NEK3: variants seen among roughly 807,000 people sequenced by gnomAD.
The protein encoded by NEK3 is serine/threonine-protein kinase Nek3.
A neutral mutation model predicts 66.0 loss-of-function variants in NEK3; 54 were observed. That is an observed-to-expected ratio of 0.82 (90% CI 0.66 to 1.03). The LOEUF (loss-of-function observed/expected upper bound fraction) is 1.03, where lower values mean the gene tolerates loss of function less well. Ranked by LOEUF, NEK3 falls within the 50% of genes least tolerant of loss-of-function variation. The probability of loss-of-function intolerance (pLI) is 0.00; values close to 1 mark genes in which losing one functional copy is unlikely to be tolerated. For synonymous variants in NEK3, 200 were observed against 206.2 expected, an observed-to-expected ratio of 0.97 and a Z score of 0.26; for missense variants, 593 against 603.0, an observed-to-expected ratio of 0.98 and a Z score of 0.17.
chr13:52,154,094 T>C lies in NEK3; in HGVS notation c.197A>G (p.Lys66Arg), dbSNP rs745946854. The C allele has an allele frequency of 1.2e-6, 2 of 1,611,888 alleles. No individual in the cohort carries two copies. Among genetic ancestry groups the C allele is most frequent in the East Asian group, 2.2e-5 (1 of 44,752 alleles). Residue 66 changes from lysine (K) to arginine (R), a missense_variant, in exon 3 of 16, where the codon AAA (lysine) becomes AGA (arginine). Transcript: ENST00000610828. The stretch of plus-strand genomic sequence containing the variant: ...TTCGTATTTACCTTCAAATGATTCT[T>C]TGAAGGCAACAATATTAGGGTGTTT... ...KMKHPNIVAFKESFEAEGHLY... is the reference protein window; with the variant it reads ...KMKHPNIVAFRESFEAEGHLY...
chr13:52,148,084 T>A (rs896870370), intron 8 of NEK3: 2 of 198,036 alleles, frequency 1.0e-5, no homozygotes, highest in Non-Finnish European at 2.0e-5. Context: ...TTAATGACAA[T>A]GAATTGTATA....
Position 52,153,893 on chromosome 13 carries a change from A to G in NEK3, c.309+2T>C, listed in dbSNP as rs368340934. On this transcript the variant is annotated splice_donor_variant, in intron 4 of 15. Coordinates refer to ENST00000610828, the MANE Select transcript of NEK3 (RefSeq NM_002498.3). LOFTEE classifies it high-confidence loss of function. ...GAGAAACTATGTAAGTCAATCTCTT[A>G]CCATGTCTTCAGGAAATAACTTTCC... is the stretch of plus-strand genomic sequence containing the variant. The G allele has an allele frequency of 1.3e-6, 2 of 1,596,052 alleles. No homozygotes were observed. Among genetic ancestry groups the G allele is most frequent in the Non-Finnish European group, 1.7e-6 (2 of 1,164,214 alleles).
At chr13:52,144,391 G>A (rs1016000960) in intron 9 of NEK3, among the ~76,000 whole-genome samples, 1 of 152,140 alleles carries the variant, frequency 6.6e-6, no homozygotes, top group Non-Finnish European at 1.5e-5. Context: ...ACTCCAGCCT[G>A]GGCGACAGAG....
In NEK3 at chr13:52,133,181, C is replaced by T. The variant is rs1382618921; in HGVS notation, c.1482G>A (p.Leu494=). The T allele has an allele frequency of 6.2e-7, 1 of 1,611,140 alleles. No homozygotes were observed. Among genetic ancestry groups the T allele is most frequent in the Non-Finnish European group, 8.5e-7 (1 of 1,178,832 alleles). ...EDDNPDWVSE[L]KKRAGWQGLC... ...GGCCTTGCCATCCAGCTCGCTTCTTCAGCTCTGACACCCAGTCGGGGTTGT... is the reference window on the plus strand; with the variant it reads ...GGCCTTGCCATCCAGCTCGCTTCTTTAGCTCTGACACCCAGTCGGGGTTGT... Residue 494 remains leucine (L), a synonymous_variant, in exon 16 of 16, where the codon CTG becomes CTA. Transcript: ENST00000610828.
intron 4 of NEK3, among the ~76,000 whole-genome samples, chr13:52,153,314 A>G (rs966138239): frequency 6.6e-6 from 1 of 152,160 alleles, no homozygotes; most frequent in East Asian, 1.9e-4. Flanking sequence ...TTCTAAATGA[A>G]TAATATTTAT....
chr13:52,141,568 A>G (rs1257046973), intron 10 of NEK3, among the ~76,000 whole-genome samples: 9 of 152,176 alleles, frequency 5.9e-5, no homozygotes, highest in Admixed American at 2.0e-4. Context: ...ATAGTGGTTC[A>G]TGTCCCTTAT....
chr13:52,147,710 G>A (rs550375263), intron 8 of NEK3, among the ~76,000 whole-genome samples: 1 of 152,286 alleles, frequency 6.6e-6, no homozygotes, highest in East Asian at 1.9e-4. Flanking sequence ...AGTGGCTCAT[G>A]CCTGTAATCC....
chr13:52,136,986 A>T, intron 11 of NEK3, 84 bp from the exon 12 acceptor site: 1 of 874,618 alleles, frequency 1.1e-6, no homozygotes, highest in Non-Finnish European at 1.7e-6. Flanking sequence ...CAGCCATTTT[A>T]ATTTCAAATA....
Position 52,147,181 on chromosome 13 carries a change from G to A in NEK3, c.603+1234C>T, listed in dbSNP as rs577608847. On this transcript the variant is annotated intron_variant, in intron 8 of 15. Coordinates refer to ENST00000610828, the MANE Select transcript of NEK3 (RefSeq NM_002498.3). ...GTGAAATCTAACTGCAAAAAGCTGA[G>A]GAAAAAAATGACGCGGCCACTCTTG... Among the ~76,000 whole-genome samples, 14 of 152,260 alleles carry A rather than the reference G, an allele frequency of 9.2e-5. No individual in the cohort carries two copies. The South Asian group carries it at 2.9e-3, about 32-fold the overall frequency.
At chr13:52,134,361 C>T (rs995234510) in intron 14 of NEK3, among the ~76,000 whole-genome samples, 3 of 151,948 alleles carry the variant, frequency 2.0e-5, no homozygotes, top group Non-Finnish European at 1.5e-5. Flanking sequence ...AAAAAAAACT[C>T]GGAAAATTGC....
chr13:52,140,819 A>ATT (rs972507069), intron 11 of NEK3, among the ~76,000 whole-genome samples: 2 of 149,166 alleles, frequency 1.3e-5, no homozygotes, highest in Non-Finnish European at 1.5e-5. Context: ...TCATAAACGT[A>ATT]TTTTTTTTCT....
intron 10 of NEK3, 92 bp downstream of exon 10, chr13:52,143,823 T>A (rs1443547901): frequency 2.8e-6 from 2 of 720,336 alleles, no homozygotes; most frequent in East Asian, 5.7e-5. Flanking sequence ...CCGATAATCA[T>A]TTCTAATAAC....
intron 10 of NEK3, 38 bp from the exon 11 acceptor site, chr13:52,141,107 C>T: frequency 6.5e-7 from 1 of 1,533,692 alleles, no homozygotes; most frequent in Admixed American, 1.9e-5. Context: ...AGATAAAACA[C>T]ATAAAGGATC....
chr13:52,135,756 A>G lies in NEK3; in HGVS notation c.1282T>C (p.Phe428Leu). The G allele has an allele frequency of 6.2e-7, 1 of 1,613,586 alleles. No individual in the cohort carries two copies. The highest frequency in any genetic ancestry group is 8.5e-7 in the Non-Finnish European group (1 of 1,179,674). The change falls in exon 14 of 16, where the codon TTT (phenylalanine) becomes CTT (leucine). Residue 428 changes from phenylalanine to leucine, a missense_variant. By Grantham distance (22) the Phe-to-Leu change is conservative. Transcript: ENST00000610828. Reference sequence around the variant, plus strand: ...GGTCTATATATTGTGTATGTTTGAAAAGCCAAGCTGAGATCAGCATTCTTA... The same window carrying G: ...GGTCTATATATTGTGTATGTTTGAAGAGCCAAGCTGAGATCAGCATTCTTA... ...ILKNADLSLA[F>L]QTYTIYRPGS... is the part of the protein sequence containing the mutation.
In NEK3 at chr13:52,151,132, T is replaced by C; in HGVS notation, c.548+14A>G. 6.3e-7 allele frequency: 1 copy of C among 1,596,606 alleles called. No individual in the cohort carries two copies. The highest frequency in any genetic ancestry group is 8.5e-7 in the Non-Finnish European group (1 of 1,170,872). Reference sequence around the variant, plus strand: ...ACCAAATGGGCACCCTGACATCAAATATGCAGCACTCACCTTTTATTGTTA... The same window carrying C: ...ACCAAATGGGCACCCTGACATCAAACATGCAGCACTCACCTTTTATTGTTA... On this transcript the variant is annotated intron_variant, in intron 7 of 15. Coordinates refer to ENST00000610828, the MANE Select transcript of NEK3 (RefSeq NM_002498.3).
chr13:52,136,001 G>A (rs1956202305), intron 13 of NEK3, 115 bp downstream of exon 13: 2 of 1,487,678 alleles, frequency 1.3e-6, no homozygotes, highest in East Asian at 2.3e-5. Flanking sequence ...TATGAGCAAT[G>A]CTCTGATGTG....
At chr13:52,133,507 A>C (rs1956172907) in intron 15 of NEK3, among the ~76,000 whole-genome samples, 182 bp downstream of exon 15, 1 of 152,084 alleles carries the variant, frequency 6.6e-6, no homozygotes, top group Admixed American at 6.5e-5. Context: ...TCATATTGTA[A>C]GGCATTACCC....
In NEK3 at chr13:52,144,861, G is replaced by A; in HGVS notation, c.634C>T (p.Leu212Phe). 1 of 1,609,028 alleles carries A rather than the reference G, an allele frequency of 6.2e-7. No individual in the cohort carries two copies. Among genetic ancestry groups the A allele is most frequent in the Non-Finnish European group, 8.5e-7 (1 of 1,177,462 alleles). The part of the protein sequence containing the change: ...FQANSWKNLI[L>F]KVCQGCISPL... ...CTGATGCACCCTTGACATACTTTGA[G>A]GATAAGATTTTTCCAACTATTTGCC... The change falls in exon 9 of 16, where the codon CTC becomes TTC. Residue 212 changes from leucine to phenylalanine, a missense_variant. Transcript: ENST00000610828.
intron 15 of NEK3, 69 bp downstream of exon 15, chr13:52,133,607 AATTTAAATCACAC>A (rs901550545): frequency 2.2e-4 from 293 of 1,361,922 alleles, no homozygotes; most frequent in Non-Finnish European, 2.7e-4. Flanking sequence ...ATCATGGTCT[AATTTAAATCACAC>A]ACACACACAC....
Sources: gnomAD v4.1 joint callset for allele counts (sites outside exome capture counted in the v4.1 genomes callset) on GRCh38, gnomAD v4.1.1 for gene constraint, MANE v1.5 for transcripts, NCBI Gene and HGNC (gene_info 2026-07-23, HGNC 2026-07-21) for gene names.